RIMS1: variants seen among roughly 807,000 people sequenced by gnomAD.
The protein encoded by RIMS1 is regulating synaptic membrane exocytosis 1.
RIMS1 carries 83 observed loss-of-function variants against 214.1 expected under a neutral mutation model. The ratio of observed to expected loss-of-function variants is 0.39; its 90% CI spans 0.32 to 0.47. RIMS1 has a LOEUF of 0.47. Ranked by LOEUF, RIMS1 falls within the 20% of genes least tolerant of loss-of-function variation. RIMS1 has a pLI of 0.99. For synonymous variants in RIMS1, 793 were observed against 786.8 expected (o/e 1.01, Z -0.13); for missense variants, 2,050 against 2,161.8 (o/e 0.95, Z 1.03).
At chr6:71,889,900 G>A (rs899306613) in intron 1 of RIMS1, among the ~76,000 whole-genome samples, 2 of 152,230 alleles carry the variant, frequency 1.3e-5, no homozygotes, top group Middle Eastern at 3.4e-3. Context: ...TTCACAAAAC[G>A]CTCTACAAAG....
chr6:71,980,310 C>A (rs1197239607), intron 2 of RIMS1, among the ~76,000 whole-genome samples: 1 of 152,048 alleles, frequency 6.6e-6, no homozygotes, highest in Admixed American at 6.6e-5. Flanking sequence ...GCAAAGCATG[C>A]AGTGAATTAA....
rs371189625 is a variant in RIMS1 at position 72,182,559 on chromosome 6, G to C, written c.1088G>C (p.Arg363Pro). ...TRYRSDPNLA[R>P]YPVKPPPEEQ... ...TACCGCAGCGACCCGAACCTAGCTC[G>C]GTACCCGGTGAAACCGCCGCCTGAG... Residue 363 changes from arginine to proline, a missense_variant, in exon 6 of 34, where the codon CGG (arginine) becomes CCG (proline). Physicochemically the swap from Arg to Pro is moderately radical, Grantham distance 103. Coordinates refer to ENST00000521978, the MANE Select transcript of RIMS1 (RefSeq NM_014989.7). The C allele has an allele frequency of 6.4e-7, 1 of 1,550,974 alleles. No individual in the cohort carries two copies. The highest frequency in any genetic ancestry group is 8.7e-7 in the Non-Finnish European group (1 of 1,147,920).
intron 19 of RIMS1, chr6:72,261,721 A>T: frequency 2.0e-6 from 2 of 985,294 alleles, no homozygotes; most frequent in Non-Finnish European, 2.4e-6. Context: ...TCTGTGTGTA[A>T]TATGTAGTTC....
At chr6:72,008,670 A>G (rs374974675) in intron 2 of RIMS1, among the ~76,000 whole-genome samples, 20 of 152,226 alleles carry the variant, frequency 1.3e-4, no homozygotes, top group African/African-American at 4.6e-4. Flanking sequence ...CAGGGGTTGC[A>G]ATCCTAGCCT....
chr6:72,050,568 G>T (rs1824343583), intron 2 of RIMS1, among the ~76,000 whole-genome samples: 1 of 152,052 alleles, frequency 6.6e-6, no homozygotes, highest in Non-Finnish European at 1.5e-5. Context: ...GGGTGTGAGT[G>T]TGTCTTCTCT....
At chr6:71,970,249 A>C (rs1013789904) in intron 2 of RIMS1, among the ~76,000 whole-genome samples, 1 of 152,230 alleles carries the variant, frequency 6.6e-6, no homozygotes, top group Non-Finnish European at 1.5e-5. Flanking sequence ...GAAGTACTTT[A>C]AATGATGTTG....
At chr6:72,039,896 A>C (rs1367624727) in intron 2 of RIMS1, among the ~76,000 whole-genome samples, 2 of 152,106 alleles carry the variant, frequency 1.3e-5, no homozygotes, top group African/African-American at 4.8e-5. Flanking sequence ...TTTGGTGGGC[A>C]GGCTTAATAA....
At chr6:72,180,192 C>G (rs540488176) in intron 5 of RIMS1, among the ~76,000 whole-genome samples, 1 of 152,306 alleles carries the variant, frequency 6.6e-6, no homozygotes, top group South Asian at 2.1e-4. Flanking sequence ...CTCAGAAAAG[C>G]TCTTAGATCA....
chr6:71,993,697 C>A (rs1034015826), intron 2 of RIMS1, among the ~76,000 whole-genome samples: 9 of 152,098 alleles, frequency 5.9e-5, no homozygotes, highest in South Asian at 2.1e-4. Context: ...TCAAGTTGAA[C>A]CTACATCAAC....
At chr6:72,338,712 A>T (rs9442770) in intron 29 of RIMS1, among the ~76,000 whole-genome samples, 2 of 151,956 alleles carry the variant, frequency 1.3e-5, no homozygotes, top group South Asian at 2.1e-4. Context: ...CACACAAGAC[A>T]TACTATTCCC....
chr6:71,963,769 A>G (rs1469806118), intron 1 of RIMS1, among the ~76,000 whole-genome samples: 1 of 152,198 alleles, frequency 6.6e-6, no homozygotes, highest in African/African-American at 2.4e-5. Context: ...TAAATATTTT[A>G]TAGAAACTTG....
intron 26 of RIMS1, among the ~76,000 whole-genome samples, chr6:72,297,701 G>A (rs2094227461): frequency 6.6e-6 from 1 of 151,976 alleles, no homozygotes; most frequent in East Asian, 1.9e-4. Flanking sequence ...ATCCCAAAAT[G>A]CGTCCAGGAA....
At chr6:71,978,997 C>G (rs1004097293) in intron 2 of RIMS1, among the ~76,000 whole-genome samples, 14 of 152,130 alleles carry the variant, frequency 9.2e-5, no homozygotes, top group Middle Eastern at 3.4e-3. Context: ...AGTCTTCATT[C>G]TTTTTATATG....
chr6:72,258,226 C>A lies in RIMS1; in HGVS notation c.2872C>A (p.Arg958Ser), dbSNP rs747771359. The A allele has an allele frequency of 1.1e-5, 17 of 1,613,360 alleles. No individual in the cohort carries two copies. In the South Asian group the frequency reaches 1.2e-4, roughly 11 times the overall value. ...HHRSRSVSPH[R>S]GNDQGKPRSR... The stretch of plus-strand genomic sequence containing the variant: ...CCGCTCACGTTCAGTATCTCCTCAT[C>A]GCGGCAATGATCAGGGAAAGCCGCG... The change falls in exon 17 of 34, where the codon CGC becomes AGC. Residue 958 changes from arginine to serine, a missense_variant. By Grantham distance (110) the Arg-to-Ser change is moderately radical. Transcript: ENST00000521978.
chr6:72,196,580 CTTTTTTTT>C (rs61651151), intron 6 of RIMS1, among the ~76,000 whole-genome samples: 6 of 57,214 alleles, frequency 1.0e-4, no homozygotes, highest in Admixed American at 2.2e-4. Flanking sequence ...GCCAGCTGCA[CTTTTTTTT>C]TTTTTTTTTT....
At position 72,251,237 on chromosome 6, in the gene RIMS1, C is replaced by T. The variant is rs1233472578; in HGVS notation, c.2567C>T (p.Ala856Val). The T allele has an allele frequency of 2.5e-6, 4 of 1,597,926 alleles. No individual in the cohort carries two copies. Among genetic ancestry groups the T allele is most frequent in the South Asian group, 2.3e-5 (2 of 88,150 alleles). ...LGEILIELET[A>V]LLDDEPHWYK... ...CAGATCCTCATAGAATTGGAGACAG[C>T]GCTTTTAGATGATGAACCGCATTGG... The change falls in exon 15 of 34, where the codon GCG becomes GTG. Residue 856 changes from alanine to valine, a missense_variant. Coordinates refer to ENST00000521978, the MANE Select transcript of RIMS1 (RefSeq NM_014989.7).
chr6:72,283,211 T>C (rs1023925253), intron 23 of RIMS1, among the ~76,000 whole-genome samples: 11 of 152,122 alleles, frequency 7.2e-5, no homozygotes, highest in Non-Finnish European at 1.5e-5. Flanking sequence ...TTTTTTGTAA[T>C]AAGTGTGAGC....
At chr6:71,944,967 T>A (rs915828679) in intron 1 of RIMS1, among the ~76,000 whole-genome samples, 2 of 152,200 alleles carry the variant, frequency 1.3e-5, no homozygotes, top group Admixed American at 6.5e-5. Flanking sequence ...TCCTGCAGAT[T>A]TGGCCCCATA....
chr6:71,924,250 G>A (rs1182126291), intron 1 of RIMS1, among the ~76,000 whole-genome samples: 2 of 152,128 alleles, frequency 1.3e-5, no homozygotes, highest in Non-Finnish European at 2.9e-5. Flanking sequence ...ACGTTTGGTA[G>A]ACAGGCTGAA....
Sources: allele counts gnomAD v4.1 joint callset (sites outside exome capture counted in the v4.1 genomes callset), GRCh38; gene constraint gnomAD v4.1.1; transcripts MANE v1.5; gene names NCBI Gene and HGNC (gene_info 2026-07-23, HGNC 2026-07-21).